The following LDLRAD3 variants were observed in gnomAD, a reference collection of about 807,000 sequenced individuals.
LDLRAD3 encodes low density lipoprotein receptor class A domain containing 3.
A neutral mutation model predicts 29.4 loss-of-function variants in LDLRAD3; 20 were observed. That is an observed-to-expected ratio of 0.68 (90% CI 0.48 to 0.99). The LOEUF is 0.99. LDLRAD3 is among the 50% of genes least tolerant of loss of function. The pLI, the probability that LDLRAD3 is intolerant of heterozygous loss-of-function variation, is 0.00. For synonymous variants in LDLRAD3, 157 were observed against 192.7 expected (o/e 0.81, Z 1.53); for missense variants, 420 against 454.3 (o/e 0.92, Z 0.69).
At chr11:35,947,176 G>C (rs1238451146) in intron 1 of LDLRAD3, among the ~76,000 whole-genome samples, 1 of 152,204 alleles carries the variant, frequency 6.6e-6, no homozygotes, top group East Asian at 1.9e-4. Context: ...AGAGAATTTG[G>C]AGTTTAGGAA....
At chr11:35,994,992 A>G (rs1487056374) in intron 1 of LDLRAD3, among the ~76,000 whole-genome samples, 2 of 152,202 alleles carry the variant, frequency 1.3e-5, no homozygotes, top group African/African-American at 4.8e-5. Flanking sequence ...TGAAGTCTTG[A>G]ACACCTAAAA....
chr11:36,124,047 G>T (rs940427941), intron 4 of LDLRAD3, among the ~76,000 whole-genome samples: 1 of 152,218 alleles, frequency 6.6e-6, no homozygotes, highest in African/African-American at 2.4e-5. Context: ...GTCAGGGAAT[G>T]CTTAATTATA....
intron 2 of LDLRAD3, among the ~76,000 whole-genome samples, chr11:36,053,552 A>T (rs1852559901): frequency 6.6e-6 from 1 of 152,096 alleles, no homozygotes; most frequent in Non-Finnish European, 1.5e-5. Flanking sequence ...AAACATAAGG[A>T]TGTATACAAA....
At chr11:36,077,953 TGA>T (rs1231505879) in intron 2 of LDLRAD3, among the ~76,000 whole-genome samples, 2 of 151,952 alleles carry the variant, frequency 1.3e-5, no homozygotes, top group Admixed American at 1.3e-4. Flanking sequence ...AAGTGGAGGG[TGA>T]GCAAGACAAA....
chr11:36,029,882 G>A (rs10768173), intron 1 of LDLRAD3, among the ~76,000 whole-genome samples: 48,411 of 152,030 alleles, frequency 0.32, 8,054 homozygotes, highest in East Asian at 0.39. Context: ...TCACTATCCC[G>A]GTGACTGGCT....
chr11:35,955,286 T>A (rs966972523), intron 1 of LDLRAD3, among the ~76,000 whole-genome samples: 1 of 152,012 alleles, frequency 6.6e-6, no homozygotes, highest in African/African-American at 2.4e-5. Context: ...ACACATGAAA[T>A]AGTAAGGAAC....
intron 4 of LDLRAD3, among the ~76,000 whole-genome samples, chr11:36,175,061 GA>G (rs1157038778): frequency 6.6e-6 from 1 of 152,190 alleles, no homozygotes; most frequent in Non-Finnish European, 1.5e-5. Flanking sequence ...AGGATGTGGA[GA>G]AATACGAACA....
intron 4 of LDLRAD3, among the ~76,000 whole-genome samples, chr11:36,154,180 G>A (rs58935421): frequency 0.015 from 2,287 of 152,278 alleles, 54 homozygotes; most frequent in African/African-American, 0.051. Flanking sequence ...CATTCTTAAA[G>A]AGTCCCAATT....
At chr11:36,192,651 C>G (rs981873608) in intron 4 of LDLRAD3, among the ~76,000 whole-genome samples, 7 of 152,190 alleles carry the variant, frequency 4.6e-5, no homozygotes, top group African/African-American at 1.7e-4. Flanking sequence ...CTCTTTTTCT[C>G]TCACACTCCT....
intron 4 of LDLRAD3, among the ~76,000 whole-genome samples, chr11:36,147,029 A>G (rs958080822): frequency 7.1e-6 from 1 of 141,548 alleles, no homozygotes; most frequent in Non-Finnish European, 1.5e-5. Context: ...ACCTCGAGTG[A>G]CCCACCCACC....
intron 2 of LDLRAD3, among the ~76,000 whole-genome samples, chr11:36,041,334 G>A (rs1852378908): frequency 6.6e-6 from 1 of 152,142 alleles, no homozygotes; most frequent in Admixed American, 6.5e-5. Flanking sequence ...GCAGTAGAGC[G>A]ATTACATGGA....
chr11:36,166,404 G>A (rs998410852), intron 4 of LDLRAD3, among the ~76,000 whole-genome samples: 2 of 152,074 alleles, frequency 1.3e-5, no homozygotes, highest in Non-Finnish European at 2.9e-5. Flanking sequence ...TCTGGAGGGT[G>A]GAAATGAAAT....
At chr11:36,135,757 A>G (rs1190834511) in intron 4 of LDLRAD3, among the ~76,000 whole-genome samples, 2 of 152,220 alleles carry the variant, frequency 1.3e-5, no homozygotes, top group Middle Eastern at 3.4e-3. Flanking sequence ...TAAAAATCCA[A>G]AAATTAGTTG....
intron 3 of LDLRAD3, among the ~76,000 whole-genome samples, chr11:36,086,419 C>G (rs558874086): frequency 6.6e-6 from 1 of 152,228 alleles, no homozygotes; most frequent in South Asian, 2.1e-4. Context: ...AGGTAAATGA[C>G]CTGCGCAGGT....
chr11:36,024,641 C>T (rs1852140126), intron 1 of LDLRAD3, among the ~76,000 whole-genome samples: 1 of 152,230 alleles, frequency 6.6e-6, no homozygotes, highest in Non-Finnish European at 1.5e-5. Context: ...CCCCATCCTG[C>T]ACCCTCAAAC....
chr11:36,073,993 GT>G (rs200398868), intron 2 of LDLRAD3, among the ~76,000 whole-genome samples: 3 of 151,954 alleles, frequency 2.0e-5, no homozygotes, highest in Non-Finnish European at 2.9e-5. Context: ...TCTGTAAAAT[GT>G]TTTTTTTGTG....
chr11:36,124,568 C>A (rs998276277), intron 4 of LDLRAD3, among the ~76,000 whole-genome samples: 1 of 152,052 alleles, frequency 6.6e-6, no homozygotes, highest in Non-Finnish European at 1.5e-5. Flanking sequence ...TTTCACTGCA[C>A]CTGGAGTGAA....
At chr11:36,041,564 C>T (rs1852382039) in intron 2 of LDLRAD3, among the ~76,000 whole-genome samples, 1 of 152,194 alleles carries the variant, frequency 6.6e-6, no homozygotes, top group Non-Finnish European at 1.5e-5. Context: ...GGCCGTTAGT[C>T]CTGGGAGTCT....
chr11:36,099,759 G>A (rs891099462), intron 4 of LDLRAD3, among the ~76,000 whole-genome samples: 1 of 152,182 alleles, frequency 6.6e-6, no homozygotes, highest in African/African-American at 2.4e-5. Context: ...ACTGGTGAGA[G>A]TGGGCTACAA....
Sources: allele counts gnomAD v4.1 joint callset (sites outside exome capture counted in the v4.1 genomes callset), GRCh38; gene constraint gnomAD v4.1.1; transcripts MANE v1.5; gene names NCBI Gene and HGNC (gene_info 2026-07-23, HGNC 2026-07-21).